The following MID1 variants were observed in gnomAD, a reference collection of about 807,000 sequenced individuals.
MID1 encodes the protein E3 ubiquitin-protein ligase Midline-1.
MID1 carries 7 observed loss-of-function variants against 40.4 expected under a neutral mutation model. That is an observed-to-expected ratio of 0.17 (90% confidence interval 0.10 to 0.33). The LOEUF (loss-of-function observed/expected upper bound fraction) is 0.33. Among genes scored for constraint, MID1 ranks in the 10% least tolerant of loss-of-function variants. MID1 has a pLI of 1.00. For synonymous variants in MID1, 229 were observed against 221.2 expected (o/e 1.04, Z -0.31); for missense variants, 367 against 558.5 (o/e 0.66, Z 3.46).
chrX:10,492,761 T>G, intron 4 of MID1, among the ~76,000 whole-genome samples: 1 of 112,637 alleles, frequency 8.9e-6, no homozygotes, highest in East Asian at 2.8e-4. Context: ...CAGTCATGGC[T>G]TTTCAGTTTT....
intron 1 of MID1, among the ~76,000 whole-genome samples, chrX:10,671,856 C>T (rs1019203191): frequency 9.0e-6 from 1 of 111,353 alleles, no homozygotes; most frequent in Non-Finnish European, 1.9e-5. Context: ...TTTCATTTCA[C>T]CTCTCCACTT....
chrX:10,717,845 T>C lies in MID1; in HGVS notation c.-186-97426A>G, dbSNP rs767883889. On this transcript the variant is annotated intron_variant, in intron 1 of 10. Transcript: ENST00000380785. ...AAAGAACAGAAATTATAACAAACTA[T>C]CTCTCAGACCACAGTGCAATCAAAC... 8.8e-4 allele frequency among the ~76,000 whole-genome samples: 98 copies of C among 111,331 alleles called. 1 individual carries two copies. Among genetic ancestry groups the C allele is most frequent in the African/African-American group, 3.1e-3 (94 of 30,675 alleles).
chrX:10,468,583 G>A lies in MID1; in HGVS notation c.1285+1114C>T, dbSNP rs144376054. The stretch of plus-strand genomic sequence containing the variant: ...TTAAAGAAGTTTCAAGCTTGCTCCC[G>A]TGAAAAGCCATGTCTTCTGGTCCAT... On this transcript the variant is annotated intron_variant, in intron 7 of 9. Coordinates refer to ENST00000317552, the MANE Select transcript of MID1 (RefSeq NM_000381.4). Among the ~76,000 whole-genome samples the A allele has an allele frequency of 9.0e-3, 1,013 of 111,998 alleles. 13 individuals carry two copies. Among genetic ancestry groups the A allele is most frequent in the African/African-American group, 0.03 (931 of 30,831 alleles).
At chrX:10,703,673 A>G (rs1261882186) in intron 1 of MID1, among the ~76,000 whole-genome samples, 1 of 111,862 alleles carries the variant, frequency 8.9e-6, no homozygotes, top group Admixed American at 9.5e-5. Flanking sequence ...TTTAAAAAAA[A>G]GTTTATTATA....
chrX:10,613,732 T>TATATAGAGAGAGAGAG (rs1482081086), intron 1 of MID1, among the ~76,000 whole-genome samples: 2 of 17,480 alleles, frequency 1.1e-4, no homozygotes, highest in African/African-American at 1.8e-4. Flanking sequence ...TATATATATA[T>TATATAGAGAGAGAGAG]AGAGAGAGAG....
At chrX:10,650,217 C>T (rs185076787) in intron 1 of MID1, among the ~76,000 whole-genome samples, 1 of 111,093 alleles carries the variant, frequency 9.0e-6, no homozygotes, top group African/African-American at 3.3e-5. Flanking sequence ...AAGGAACTTC[C>T]CCAAAATATG....
intron 1 of MID1, among the ~76,000 whole-genome samples, chrX:10,699,550 T>C (rs1004770206): frequency 2.7e-5 from 3 of 111,808 alleles, no homozygotes; most frequent in Non-Finnish European, 5.6e-5. Context: ...TTGTTTTCTC[T>C]GGCCCTGTAT....
intron 2 of MID1, among the ~76,000 whole-genome samples, chrX:10,556,430 A>T (rs752642735): frequency 5.4e-5 from 6 of 111,991 alleles, no homozygotes; most frequent in Non-Finnish European, 1.1e-4. Context: ...TTCACTACTT[A>T]GCTTGGTTTA....
intron 1 of MID1, among the ~76,000 whole-genome samples, chrX:10,660,304 G>A (rs779615932): frequency 1.2e-4 from 13 of 112,701 alleles, no homozygotes; most frequent in South Asian, 3.6e-4. Flanking sequence ...ATGGCAAAGC[G>A]TCTTGTGTTA....
At chrX:10,600,268 C>T (rs1935494827) in intron 1 of MID1, among the ~76,000 whole-genome samples, 1 of 110,052 alleles carries the variant, frequency 9.1e-6, no homozygotes, top group Non-Finnish European at 1.9e-5. Context: ...CGAGGCCAGC[C>T]TGAGCAACAT....
At chrX:10,752,703 G>A (rs2043607983) in intron 1 of MID1, among the ~76,000 whole-genome samples, 1 of 111,760 alleles carries the variant, frequency 8.9e-6, no homozygotes, top group Admixed American at 9.5e-5. Context: ...TTGCTCTGTA[G>A]TGTAGCCTAT....
At chrX:10,638,665 C>T (rs1228232120) in intron 1 of MID1, among the ~76,000 whole-genome samples, 4 of 111,858 alleles carry the variant, frequency 3.6e-5, no homozygotes, top group Non-Finnish European at 7.5e-5. Context: ...TAGTGCTTCT[C>T]CCAGCATGGA....
In MID1 at chrX:10,644,801, A is replaced by G. The variant is rs143725009; in HGVS notation, c.-186-24382T>C. ...GACACAAAAACATTACTCCTTTTCA[A>G]ACTCAGAAAGTGTAAGAAGCACAGA... On this transcript the variant is annotated intron_variant, in intron 1 of 10. Coordinates refer to the MID1 transcript ENST00000380785. 1.2e-4 allele frequency among the ~76,000 whole-genome samples: 13 copies of G among 111,710 alleles called. No individual in the cohort carries two copies. The East Asian group carries it at 3.4e-3, about 29-fold the overall frequency.
At chrX:10,728,478 T>C (rs1030315034) in intron 1 of MID1, among the ~76,000 whole-genome samples, 1 of 112,320 alleles carries the variant, frequency 8.9e-6, no homozygotes, top group African/African-American at 3.2e-5. Context: ...TTTGTTCCAG[T>C]CTGCCAGAGG....
At chrX:10,738,114 C>CAGTT in intron 1 of MID1, among the ~76,000 whole-genome samples, 1 of 111,671 alleles carries the variant, frequency 9.0e-6, no homozygotes, top group Non-Finnish European at 1.9e-5. Flanking sequence ...CAGGCTCAGA[C>CAGTT]AGTTAGCGGT....
At chrX:10,675,515 C>A (rs934844511) in intron 1 of MID1, among the ~76,000 whole-genome samples, 1 of 111,254 alleles carries the variant, frequency 9.0e-6, no homozygotes, top group Non-Finnish European at 1.9e-5. Context: ...CACACAGCCC[C>A]CAACTCCAAA....
chrX:10,743,384 A>G (rs1256553283), intron 1 of MID1, among the ~76,000 whole-genome samples: 1 of 112,607 alleles, frequency 8.9e-6, no homozygotes, highest in Admixed American at 9.4e-5. Flanking sequence ...AAAATGCAAA[A>G]CAAAAGCAAA....
At chrX:10,553,599 T>A (rs1934010696) in intron 2 of MID1, among the ~76,000 whole-genome samples, 1 of 112,020 alleles carries the variant, frequency 8.9e-6, no homozygotes, top group Admixed American at 9.4e-5. Flanking sequence ...GGTAAGTAAA[T>A]AATCACATTT....
chrX:10,463,099 G>A (rs1359594922), intron 7 of MID1, among the ~76,000 whole-genome samples: 1 of 112,068 alleles, frequency 8.9e-6, no homozygotes, highest in African/African-American at 3.2e-5. Context: ...TAGAGAAAAC[G>A]TGGCAAACGT....
Sources: gnomAD v4.1 joint callset for allele counts (sites outside exome capture counted in the v4.1 genomes callset) on GRCh38, gnomAD v4.1.1 for gene constraint, MANE v1.5 for transcripts, NCBI Gene and HGNC (gene_info 2026-07-23, HGNC 2026-07-21) for gene names.